The following PXDNL variants were observed in gnomAD, a reference collection of about 807,000 sequenced individuals.
PXDNL encodes probable oxidoreductase PXDNL.
A neutral mutation model predicts 150.8 loss-of-function variants in PXDNL; 145 were observed. The ratio of observed to expected loss-of-function variants is 0.96; its 90% CI spans 0.84 to 1.10. The LOEUF is 1.10. Among genes scored for constraint, PXDNL ranks in the 50% least tolerant of loss-of-function variants. The probability of loss-of-function intolerance (pLI) is 0.00; values close to 1 mark genes in which losing one functional copy is unlikely to be tolerated. For missense variants in PXDNL, 2,087 were observed against 1,873.9 expected (o/e 1.11, Z -2.10); for synonymous variants, 757 against 725.7 (o/e 1.04, Z -0.69).
At chr8:51,727,587 C>G (rs890670983) in intron 1 of PXDNL, among the ~76,000 whole-genome samples, 5 of 152,040 alleles carry the variant, frequency 3.3e-5, no homozygotes, top group African/African-American at 1.2e-4. Context: ...TCCTCTGTAC[C>G]CAGAGCACTA....
At chr8:51,418,136 GTGTTACCTTTAACATAAAGCTAATAC>G (rs1405822494) in intron 14 of PXDNL, among the ~76,000 whole-genome samples, 2 of 152,148 alleles carry the variant, frequency 1.3e-5, no homozygotes, top group Non-Finnish European at 2.9e-5. Flanking sequence ...GATGAGAAAT[GTGTTACCTTTAACATAAAGCTAATAC>G]AAACATACGT....
intron 3 of PXDNL, among the ~76,000 whole-genome samples, chr8:51,578,560 T>C (rs1459516112): frequency 2.0e-5 from 3 of 151,842 alleles, no homozygotes; most frequent in African/African-American, 7.3e-5. Context: ...CAAACTGCCA[T>C]ACAAATTTAA....
chr8:51,532,821 G>A (rs950530084), intron 4 of PXDNL, among the ~76,000 whole-genome samples: 36 of 152,096 alleles, frequency 2.4e-4, no homozygotes, highest in African/African-American at 8.7e-4. Context: ...ACAAATGATA[G>A]AATAAGCTTT....
At chr8:51,431,481 G>A (rs79910422) in intron 12 of PXDNL, among the ~76,000 whole-genome samples, 2,059 of 152,172 alleles carry the variant, frequency 0.014, 42 homozygotes, top group African/African-American at 0.047. Flanking sequence ...CTTTGTTCAG[G>A]CCCTTAAACA....
intron 1 of PXDNL, among the ~76,000 whole-genome samples, chr8:51,668,072 G>A (rs1815422976): frequency 6.6e-6 from 1 of 151,334 alleles, no homozygotes; most frequent in African/African-American, 2.4e-5. Context: ...TACCACCAAT[G>A]TAGCCACTTA....
rs527376157 is a variant in PXDNL, at chr8:51,723,159, G to GA, written c.165-68400dup. 9.9e-5 allele frequency among the ~76,000 whole-genome samples: 15 copies of GA among 151,664 alleles called. No individual in the cohort carries two copies. In the East Asian group the frequency reaches 2.5e-3, roughly 26 times the overall value. On this transcript the variant is annotated intron_variant, in intron 1 of 22. Transcript: ENST00000356297. ...AAGTCTACAAGCAGAACATCTGGGG[G>GA]AAAAATCTATAAAGGACAATTAGTC...
At chr8:51,743,900 TGAGA>T (rs2036933465) in intron 1 of PXDNL, among the ~76,000 whole-genome samples, 1 of 34,054 alleles carries the variant, frequency 2.9e-5, no homozygotes, top group African/African-American at 7.0e-5. Flanking sequence ...CTCTCTCTGC[TGAGA>T]GAGAAAGGAA....
intron 19 of PXDNL, among the ~76,000 whole-genome samples, chr8:51,353,884 T>G (rs1586026718): frequency 6.6e-6 from 1 of 152,278 alleles, no homozygotes; most frequent in South Asian, 2.1e-4. Flanking sequence ...TGTGCCTGAC[T>G]TAACTTTGAT....
intron 21 of PXDNL, among the ~76,000 whole-genome samples, chr8:51,330,567 C>CCAAA (rs141736073): frequency 0.22 from 33,433 of 151,858 alleles, 3,744 homozygotes; most frequent in Middle Eastern, 0.3. Flanking sequence ...GGCTGAAAGT[C>CCAAA]CAAAATCAAG....
At chr8:51,378,416 G>T (rs558571932) in intron 17 of PXDNL, among the ~76,000 whole-genome samples, 1 of 152,338 alleles carries the variant, frequency 6.6e-6, no homozygotes, top group South Asian at 2.1e-4. Context: ...TTTGTGCCTA[G>T]CTCAGGGATT....
chr8:51,381,652 T>G (rs1442841068), intron 17 of PXDNL, among the ~76,000 whole-genome samples: 2 of 149,238 alleles, frequency 1.3e-5, no homozygotes, highest in African/African-American at 5.0e-5. Flanking sequence ...ATTTATTTAT[T>G]TATTTATTTA....
intron 2 of PXDNL, among the ~76,000 whole-genome samples, chr8:51,644,835 C>G (rs1427128580): frequency 3.9e-5 from 6 of 151,936 alleles, no homozygotes; most frequent in Admixed American, 3.9e-4. Flanking sequence ...GAGCTCACGT[C>G]AGAAAAGGGC....
intron 2 of PXDNL, among the ~76,000 whole-genome samples, chr8:51,600,418 GTTTAGATAATAAATTATATCTTA>G (rs1813679269): frequency 7.5e-6 from 1 of 133,116 alleles, no homozygotes; most frequent in Non-Finnish European, 1.5e-5. Flanking sequence ...AAATTATATC[GTTTAGATAATAAATTATATCTTA>G]TATAAATTAT....
At position 51,320,800 on chromosome 8, in the gene PXDNL, G is replaced by C. The variant is rs2130595383; in HGVS notation, c.4244C>G (p.Thr1415Ser). ...AEERWMKEDC[T>S]HCICESGQVT... is the part of the protein sequence containing the mutation. ...AGCACAAACCTCACAAATGCAGTGA[G>C]TGCAGTCTTCTTTCATCCAGCGCTC... The change falls in exon 22 of 23, where the codon ACT becomes AGT. Residue 1415 changes from threonine to serine, a missense_variant. Coordinates refer to ENST00000356297, the MANE Select transcript of PXDNL (RefSeq NM_144651.5). The C allele has an allele frequency of 6.2e-7, 1 of 1,613,394 alleles. No individual in the cohort carries two copies. The highest frequency in any genetic ancestry group is 8.5e-7 in the Non-Finnish European group (1 of 1,179,422).
chr8:51,670,837 G>A (rs1815484837), intron 1 of PXDNL, among the ~76,000 whole-genome samples: 1 of 152,086 alleles, frequency 6.6e-6, no homozygotes, highest in African/African-American at 2.4e-5. Context: ...GTACTAAGTG[G>A]CACTCCTGGC....
At chr8:51,694,931 G>A (rs1225418054) in intron 1 of PXDNL, among the ~76,000 whole-genome samples, 1 of 152,144 alleles carries the variant, frequency 6.6e-6, no homozygotes, top group Non-Finnish European at 1.5e-5. Context: ...GACTTCTATT[G>A]TCTTTTTCTG....
intron 2 of PXDNL, among the ~76,000 whole-genome samples, chr8:51,611,551 G>A (rs1814001530): frequency 6.6e-6 from 1 of 152,198 alleles, no homozygotes; most frequent in Non-Finnish European, 1.5e-5. Context: ...TCTAACAAGG[G>A]AAGAACCAGA....
intron 2 of PXDNL, among the ~76,000 whole-genome samples, chr8:51,633,523 TCTC>T (rs1402399418): frequency 6.6e-6 from 1 of 152,144 alleles, no homozygotes. Context: ...ATATATGTGT[TCTC>T]CTTTCTCTGC....
intron 2 of PXDNL, among the ~76,000 whole-genome samples, chr8:51,647,512 T>C (rs1814944546): frequency 6.6e-6 from 1 of 152,168 alleles, no homozygotes; most frequent in Admixed American, 6.5e-5. Flanking sequence ...ATACAGCAGG[T>C]TCTGTATTTG....
Sources: gnomAD v4.1 joint callset for allele counts (sites outside exome capture counted in the v4.1 genomes callset) on GRCh38, gnomAD v4.1.1 for gene constraint, MANE v1.5 for transcripts, NCBI Gene and HGNC (gene_info 2026-07-23, HGNC 2026-07-21) for gene names.